MYO16: variants seen among roughly 807,000 people sequenced by gnomAD.
MYO16 encodes the protein myosin XVI.
A neutral mutation model predicts 205.3 loss-of-function variants in MYO16; 94 were observed. The observed-to-expected ratio is 0.46, with a 90% CI of 0.39 to 0.54. The LOEUF is 0.54. MYO16 is among the 20% of genes least tolerant of loss of function. The pLI is 0.00. For synonymous variants in MYO16, 988 were observed against 954.0 expected, an observed-to-expected ratio of 1.04 and a Z score of -0.66; for missense variants, 2,315 against 2,387.5, an observed-to-expected ratio of 0.97 and a Z score of 0.63.
At chr13:108,846,198 A>C (rs962734788) in intron 10 of MYO16, among the ~76,000 whole-genome samples, 1 of 152,184 alleles carries the variant, frequency 6.6e-6, no homozygotes, top group African/African-American at 2.4e-5. Flanking sequence ...CTCCTCATAC[A>C]TTTTAACACT....
Position 108,908,972 on chromosome 13 carries a change from C to CAA in MYO16, c.1778-1024_1778-1023dup, listed in dbSNP as rs201906153. 3.0e-3 allele frequency among the ~76,000 whole-genome samples: 334 copies of CAA among 111,612 alleles called. 2 individuals are homozygous for CAA. Among genetic ancestry groups the CAA allele is most frequent in the East Asian group, 0.023 (89 of 3,820 alleles). The allele number at this position is 111,612 out of a possible 152,430, so 73.2% of individuals were successfully genotyped here. On this transcript the variant is annotated intron_variant, in intron 15 of 34. Coordinates refer to ENST00000457511, the MANE Select transcript of MYO16 (RefSeq NM_001198950.3). ...TGGGCAATAGAGTGAGACTGTGTCTCAAAAAAAATAAAATAAAATAAATAA... is the reference window on the plus strand; with the variant it reads ...TGGGCAATAGAGTGAGACTGTGTCTCAAAAAAAAAATAAAATAAAATAAATAA...
At chr13:108,909,842 G>A (rs1453975076) in intron 15 of MYO16, among the ~76,000 whole-genome samples, 161 bp from the exon 16 acceptor site, 3 of 152,128 alleles carry the variant, frequency 2.0e-5, no homozygotes, top group Admixed American at 2.0e-4. Context: ...CGTATTGAAA[G>A]TCCTAGCTAA....
intron 12 of MYO16, among the ~76,000 whole-genome samples, chr13:108,875,424 CATT>C (rs1434449043): frequency 6.6e-6 from 1 of 152,128 alleles, no homozygotes; most frequent in African/African-American, 2.4e-5. Flanking sequence ...ATTACACTGT[CATT>C]ATTATTTCCA....
chr13:108,686,566 A>G (rs1394889226), intron 2 of MYO16, among the ~76,000 whole-genome samples: 1 of 152,222 alleles, frequency 6.6e-6, no homozygotes, highest in African/African-American at 2.4e-5. Context: ...ATCACACGTC[A>G]GCTCTGAATA....
At chr13:108,583,423 A>G in the MYO16 span, among the ~76,000 whole-genome samples, 3 of 152,170 alleles carry the variant, frequency 2.0e-5, no homozygotes, top group African/African-American at 7.2e-5. Context: ...CTTCCCTCAT[A>G]CGTGATTCTA....
chr13:108,575,133 T>C, the MYO16 span, among the ~76,000 whole-genome samples: 150,429 of 152,296 alleles, frequency 0.99, 74,316 homozygotes, highest in East Asian at 1. Flanking sequence ...CTCTATCCTA[T>C]GATGACCTTT....
intron 31 of MYO16, among the ~76,000 whole-genome samples, chr13:109,133,024 A>G (rs1876611521): frequency 1.3e-5 from 2 of 152,206 alleles, no homozygotes; most frequent in South Asian, 4.1e-4. Context: ...TAGTGCAGTC[A>G]AGAGGGTAAA....
intron 12 of MYO16, among the ~76,000 whole-genome samples, chr13:108,870,706 A>G (rs1879009594): frequency 6.6e-6 from 1 of 151,972 alleles, no homozygotes; most frequent in Non-Finnish European, 1.5e-5. Context: ...TAGAATTTTG[A>G]GTGCCTTCTT....
chr13:108,781,570 G>T (rs143249327), intron 4 of MYO16, among the ~76,000 whole-genome samples: 1 of 152,134 alleles, frequency 6.6e-6, no homozygotes, highest in African/African-American at 2.4e-5. Context: ...GGGCATTAGC[G>T]AGCCAAGCTT....
At chr13:108,630,832 T>G (rs1353462851) in intron 1 of MYO16, among the ~76,000 whole-genome samples, 1 of 152,196 alleles carries the variant, frequency 6.6e-6, no homozygotes, top group Non-Finnish European at 1.5e-5. Context: ...ATTGAGAAGG[T>G]GAAAATATTT....
At chr13:108,781,832 T>A (rs1208772152) in intron 4 of MYO16, among the ~76,000 whole-genome samples, 2 of 152,224 alleles carry the variant, frequency 1.3e-5, no homozygotes, top group Non-Finnish European at 2.9e-5. Flanking sequence ...GATGGGTTTA[T>A]CAGGGATTTC....
chr13:108,587,136 G>A, the MYO16 span, among the ~76,000 whole-genome samples: 5 of 152,158 alleles, frequency 3.3e-5, no homozygotes, highest in African/African-American at 1.2e-4. Context: ...GGGAAGAAAT[G>A]TAACCTTGTG....
the MYO16 span, among the ~76,000 whole-genome samples, chr13:108,510,247 G>A: frequency 1.3e-5 from 2 of 151,884 alleles, no homozygotes; most frequent in Non-Finnish European, 2.9e-5. Flanking sequence ...CTCCCGAGTA[G>A]CTGGGACTAC....
chr13:109,040,287 T>C (rs1886838526), intron 23 of MYO16, among the ~76,000 whole-genome samples: 1 of 150,402 alleles, frequency 6.6e-6, no homozygotes, highest in Non-Finnish European at 1.5e-5. Flanking sequence ...TTCTAGAAAA[T>C]AGAAAAGAAT....
chr13:108,608,797 C>T (rs1409939340), intron 1 of MYO16, among the ~76,000 whole-genome samples: 1 of 152,078 alleles, frequency 6.6e-6, no homozygotes, highest in Admixed American at 6.6e-5. Context: ...CATGCACCAC[C>T]ATGCCCAGCT....
chr13:108,865,825 T>C lies in MYO16; in HGVS notation c.1360-352T>C, dbSNP rs368407472. ...GTAGCAGAATAACAGAATTTGTTAC[T>C]CCATTGACTTTTTCGTAGGCATTTT... On this transcript the variant is annotated intron_variant, in intron 11 of 34. Transcript: ENST00000457511. Among the ~76,000 whole-genome samples the C allele has an allele frequency of 5.9e-5, 9 of 152,254 alleles. No individual in the cohort carries two copies. In the South Asian group the frequency reaches 8.3e-4, roughly 14 times the overall value.
chr13:108,840,859 T>C (rs1006775315), intron 9 of MYO16, among the ~76,000 whole-genome samples: 2 of 152,216 alleles, frequency 1.3e-5, no homozygotes, highest in Non-Finnish European at 2.9e-5. Context: ...TTGGAAGATT[T>C]TCATTCTGAA....
chr13:108,807,786 T>C (rs1180243309), intron 7 of MYO16, among the ~76,000 whole-genome samples: 1 of 152,104 alleles, frequency 6.6e-6, no homozygotes, highest in African/African-American at 2.4e-5. Context: ...GAAAGAAAAG[T>C]CTAAGTTGGT....
At position 109,098,888 on chromosome 13, in the gene MYO16, T is replaced by G. The variant is rs573278481; in HGVS notation, c.3336-1897T>G. ...CATAGAATAAGAGAAAATAATACTT[T>G]GAAACTACATTTTTTTAATTCTCAC... is the stretch of plus-strand genomic sequence containing the variant. On this transcript the variant is annotated intron_variant, in intron 27 of 34. Coordinates refer to ENST00000457511, the MANE Select transcript of MYO16 (RefSeq NM_001198950.3). 5.3e-5 allele frequency among the ~76,000 whole-genome samples: 8 copies of G among 152,320 alleles called. No homozygotes were observed. The South Asian group carries it at 1.7e-3, about 32-fold the overall frequency.
Sources: gnomAD v4.1 joint callset for allele counts (sites outside exome capture counted in the v4.1 genomes callset) on GRCh38, gnomAD v4.1.1 for gene constraint, MANE v1.5 for transcripts, NCBI Gene and HGNC (gene_info 2026-07-23, HGNC 2026-07-21) for gene names.